MICAL3: variants seen among roughly 807,000 people sequenced by gnomAD.
MICAL3 encodes [F-actin]-monooxygenase MICAL3.
In MICAL3, 62 loss-of-function variants were observed where a neutral mutation model predicts 207.4. The observed-to-expected ratio is 0.30, with a 90% confidence interval of 0.24 to 0.37. The LOEUF is 0.37. Among genes scored for constraint, MICAL3 ranks in the 10% least tolerant of loss-of-function variants. MICAL3 has a pLI of 1.00. For synonymous variants in MICAL3, 1,077 were observed against 1,069.3 expected, an observed-to-expected ratio of 1.01 and a Z score of -0.14; for missense variants, 2,368 against 2,635.6, an observed-to-expected ratio of 0.90 and a Z score of 2.22.
intron 1 of MICAL3, among the ~76,000 whole-genome samples, chr22:17,998,185 T>C (rs1257155278): frequency 2.7e-5 from 4 of 150,524 alleles, no homozygotes; most frequent in Non-Finnish European, 5.9e-5. Context: ...GTGCCTGTAG[T>C]CCCAGCTACT....
rs2145949054 is a variant in MICAL3 at position 17,793,254 on chromosome 22, A to G, written c.5651-1953T>C. Among the ~76,000 whole-genome samples, 1 of 152,002 alleles carries G rather than the reference A, an allele frequency of 6.6e-6. No individual in the cohort carries two copies. Among genetic ancestry groups the G allele is most frequent in the South Asian group, 2.1e-4 (1 of 4,810 alleles). On this transcript the variant is annotated intron_variant, in intron 29 of 31. Coordinates refer to ENST00000441493, the MANE Select transcript of MICAL3 (RefSeq NM_015241.3). This position sits in a 1 kb window ranked among gnomAD's most constrained non-coding sequence, Gnocchi z 4.1. ...AACAGACTTCAAATCAGACAAACTT[A>G]AAACACGCACACTCAGCAAGACACG...
chr22:17,961,058 G>A (rs1360004785), intron 1 of MICAL3, among the ~76,000 whole-genome samples: 1 of 152,102 alleles, frequency 6.6e-6, no homozygotes, highest in African/African-American at 2.4e-5. Flanking sequence ...GGGGCTCCTG[G>A]TTGCCAGCTG....
chr22:17,872,363 AAG>A lies in MICAL3; in HGVS notation c.2242-342_2242-341del, dbSNP rs1247070351. ...GCGACGCCGGGAAATATCGACAAGA[AAG>A]AGTCTTAGAGAAAGAGCAATGGAGG... On this transcript the variant is annotated intron_variant, in intron 16 of 31. Transcript: ENST00000441493. 1.3e-3 allele frequency among the ~76,000 whole-genome samples: 192 copies of A among 152,252 alleles called. 1 individual carries two copies. Among genetic ancestry groups the A allele is most frequent in the Non-Finnish European group, 2.4e-4 (16 of 68,008 alleles).
At chr22:17,881,372 G>T in intron 16 of MICAL3, 1 of 1,322,142 alleles carries the variant, frequency 7.6e-7, no homozygotes, top group Non-Finnish European at 1.1e-6. Context: ...GCTGGTTCTG[G>T]GAGGACTGAA....
At chr22:17,984,457 G>A (rs1936063167) in intron 1 of MICAL3, among the ~76,000 whole-genome samples, 2 of 152,210 alleles carry the variant, frequency 1.3e-5, no homozygotes, top group Admixed American at 1.3e-4. Context: ...ATGCAGAGCT[G>A]GAACAGGGAC....
chr22:17,960,317 T>C (rs1161981139), intron 1 of MICAL3, among the ~76,000 whole-genome samples: 1 of 152,222 alleles, frequency 6.6e-6, no homozygotes, highest in Admixed American at 6.5e-5. Context: ...TCTGTGTACA[T>C]GCGTGTGCAT....
At chr22:17,979,134 G>A (rs1038875638) in intron 1 of MICAL3, among the ~76,000 whole-genome samples, 5 of 151,646 alleles carry the variant, frequency 3.3e-5, no homozygotes, top group East Asian at 2.0e-4. Context: ...TGATCATGCC[G>A]CTGCATTCCA....
intron 19 of MICAL3, among the ~76,000 whole-genome samples, chr22:17,842,803 G>A (rs990419174): frequency 6.6e-6 from 1 of 152,150 alleles, no homozygotes; most frequent in South Asian, 2.1e-4. Context: ...GTGTGCACAG[G>A]GCGTCACACC....
intron 2 of MICAL3, 80 bp from the exon 3 acceptor site, chr22:17,904,919 C>G: frequency 1.8e-6 from 2 of 1,083,278 alleles, no homozygotes; most frequent in East Asian, 2.5e-5. Context: ...GTAAGATCAT[C>G]ACTCCCTAAA....
chr22:17,967,463 A>AACACACACACACAC (rs71184751), intron 1 of MICAL3, among the ~76,000 whole-genome samples: 1 of 126,050 alleles, frequency 7.9e-6, no homozygotes, highest in Non-Finnish European at 1.8e-5. Context: ...TGTACATGCA[A>AACACACACACACAC]ACACACACAC....
At chr22:17,975,579 G>A (rs1367060776) in intron 1 of MICAL3, among the ~76,000 whole-genome samples, 2 of 152,022 alleles carry the variant, frequency 1.3e-5, no homozygotes, top group South Asian at 2.1e-4. Context: ...AAAATTCAAC[G>A]AATTCATTTA....
Position 17,993,718 on chromosome 22 carries a change from A to C in MICAL3, c.-75+30563T>G, listed in dbSNP as rs139504469. Reference sequence around the variant, plus strand: ...GACTCTGCCCCCTGAGAAGCAGGCCAGGAATATTTCAAGGAATATGCCAAC... The same window carrying C: ...GACTCTGCCCCCTGAGAAGCAGGCCCGGAATATTTCAAGGAATATGCCAAC... On this transcript the variant is annotated intron_variant, in intron 1 of 31. Coordinates refer to ENST00000441493, the MANE Select transcript of MICAL3 (RefSeq NM_015241.3). Among the ~76,000 whole-genome samples the C allele has an allele frequency of 4.9e-3, 743 of 152,226 alleles. 4 individuals carry two copies. The highest frequency in any genetic ancestry group is 0.017 in the African/African-American group (704 of 41,530).
chr22:17,823,906 A>G (rs1326787565), intron 22 of MICAL3, among the ~76,000 whole-genome samples: 2 of 152,234 alleles, frequency 1.3e-5, no homozygotes, highest in African/African-American at 4.8e-5. Context: ...CGCTGTGTGC[A>G]GGGGCACCAG....
In MICAL3 at chr22:17,817,502, G is replaced by A. The variant is rs1921132489; in HGVS notation, c.5159C>T (p.Pro1720Leu). The change falls in exon 26 of 32, where the codon CCC (proline) becomes CTC (leucine). Residue 1720 changes from proline to leucine, a missense_variant. Physicochemically the swap from Pro to Leu is moderately conservative, Grantham distance 98. Around this residue, in one of 4 missense-constraint regions of MICAL3, gnomAD observed 1,770 missense variants for 1,863.2 expected, o/e 0.95. Coordinates refer to ENST00000441493, the MANE Select transcript of MICAL3 (RefSeq NM_015241.3). ...GAGGTTGGAGCTGGGCTTCTCCGGG[G>A]GCCGGCCCTCGCCTTTGGACTTCTT... ...KEKKSKGEGR[P>L]PEKPSSNLLE... The A allele has an allele frequency of 6.2e-7, 1 of 1,613,716 alleles. No homozygotes were observed. The highest frequency in any genetic ancestry group is 1.1e-5 in the South Asian group (1 of 91,068).
At chr22:17,853,835 T>C (rs1925602024) in intron 19 of MICAL3, among the ~76,000 whole-genome samples, 1 of 152,260 alleles carries the variant, frequency 6.6e-6, no homozygotes, top group Non-Finnish European at 1.5e-5. Flanking sequence ...ACAGGATCTC[T>C]GCTTTTATTT....
At position 17,887,309 on chromosome 22, in the gene MICAL3, A is replaced by G; in HGVS notation, c.2004+14T>C. The G allele has an allele frequency of 6.2e-7, 1 of 1,611,196 alleles. No homozygotes were observed. The highest frequency in any genetic ancestry group is 8.5e-7 in the Non-Finnish European group (1 of 1,177,618). ...CATTAGCTTTGCAGCCCATCAAGAG[A>G]CTCCTCCACATACCTTGGGAGAACG... is the stretch of plus-strand genomic sequence containing the variant. On this transcript the variant is annotated intron_variant, in intron 14 of 31. Coordinates refer to ENST00000441493, the MANE Select transcript of MICAL3 (RefSeq NM_015241.3).
At chr22:17,805,344 AG>A (rs34334147) in intron 29 of MICAL3, among the ~76,000 whole-genome samples, 7,990 of 152,356 alleles carry the variant, frequency 0.052, 247 homozygotes, top group African/African-American at 0.087. Flanking sequence ...AAGGAGGGGC[AG>A]GGCCACGGGG....
intron 1 of MICAL3, among the ~76,000 whole-genome samples, chr22:17,950,331 GTTTTTGTTTTTT>G (rs1934274913): frequency 1.0e-5 from 1 of 97,510 alleles, no homozygotes; most frequent in Admixed American, 1.0e-4. Context: ...CTGGCGTTTT[GTTTTTGTTTTTT>G]TTTTTTTTTT....
chr22:17,991,289 A>G (rs1199009384), intron 1 of MICAL3, among the ~76,000 whole-genome samples: 2 of 152,232 alleles, frequency 1.3e-5, no homozygotes, highest in Non-Finnish European at 2.9e-5. Flanking sequence ...CAGGCAGGTG[A>G]AAGTGACAGG....
Sources: gnomAD v4.1 joint callset for allele counts (sites outside exome capture counted in the v4.1 genomes callset) on GRCh38, gnomAD v4.1.1 for gene constraint, gnomAD v4.1.1 regional missense constraint, Gnocchi (gnomAD v3.1) non-coding constraint, MANE v1.5 for transcripts, NCBI Gene and HGNC (gene_info 2026-07-23, HGNC 2026-07-21) for gene names.